PAK5: variants seen among roughly 807,000 people sequenced by gnomAD.
The protein encoded by PAK5 is p21 (RAC1) activated kinase 5, also known as serine/threonine-protein kinase PAK 5.
A neutral mutation model predicts 65.9 loss-of-function variants in PAK5; 16 were observed. The observed-to-expected ratio is 0.24, with a 90% CI of 0.16 to 0.37. The LOEUF (loss-of-function observed/expected upper bound fraction) is 0.37. PAK5 is among the 10% of genes least tolerant of loss of function. The pLI is 1.00. For synonymous variants in PAK5, 371 were observed against 354.9 expected, an observed-to-expected ratio of 1.05 and a Z score of -0.51; for missense variants, 785 against 903.9, an observed-to-expected ratio of 0.87 and a Z score of 1.69.
intron 1 of PAK5, among the ~76,000 whole-genome samples, chr20:9,834,827 T>C (rs923088692): frequency 1.3e-5 from 2 of 152,148 alleles, no homozygotes; most frequent in African/African-American, 4.8e-5. Context: ...ATTTATTGTT[T>C]ACCATTAATT....
chr20:9,599,892 C>T (rs545697910), intron 3 of PAK5, among the ~76,000 whole-genome samples: 9 of 152,058 alleles, frequency 5.9e-5, no homozygotes, highest in East Asian at 1.9e-4. Flanking sequence ...TCGGTGCTTG[C>T]GCTTTTGGTG....
At chr20:9,678,740 G>T (rs191079340) in intron 2 of PAK5, among the ~76,000 whole-genome samples, 3 of 152,176 alleles carry the variant, frequency 2.0e-5, no homozygotes, top group Admixed American at 6.5e-5. Flanking sequence ...CAAGCAAAAG[G>T]GGGGAAAGCC....
chr20:9,686,779 C>T (rs1891940635), intron 2 of PAK5, among the ~76,000 whole-genome samples: 1 of 152,156 alleles, frequency 6.6e-6, no homozygotes, highest in Non-Finnish European at 1.5e-5. Flanking sequence ...TTATCTGTGT[C>T]CTGACTGATA....
chr20:9,566,258 A>G lies in PAK5; in HGVS notation c.1117T>C (p.Tyr373His), dbSNP rs2122999870. The G allele has an allele frequency of 6.2e-7, 1 of 1,613,842 alleles. No individual in the cohort carries two copies. The highest frequency in any genetic ancestry group is 1.6e-4 in the Middle Eastern group (1 of 6,062). The change falls in exon 5 of 10, where the codon TAC (tyrosine) becomes CAC (histidine). Residue 373 changes from tyrosine to histidine, a missense_variant. Tyr to His is a moderately conservative substitution (Grantham distance 83, BLOSUM62 2). Around this residue, in one of 4 missense-constraint regions of PAK5, gnomAD observed 422 missense variants for 413.3 expected, o/e 1.02. Coordinates refer to ENST00000353224, the MANE Select transcript of PAK5 (RefSeq NM_177990.4). Reference protein sequence around the residue: ...KSGYSSSSHQYPSGYHKATLY... With the variant: ...KSGYSSSSHQHPSGYHKATLY... Reference sequence around the variant, plus strand: ...GTGGCTTTGTGGTACCCAGACGGGTACTGGTGACTGCTTGAGGAATAGCCC... The same window carrying G: ...GTGGCTTTGTGGTACCCAGACGGGTGCTGGTGACTGCTTGAGGAATAGCCC...
At position 9,539,313 on chromosome 20, in the gene PAK5, G is replaced by C. The variant is rs544328730; in HGVS notation, c.*149C>G. ...TGTTTAAGACACAAGAAGATGCCCTGGTCTGTTGAACCCTGCCGGTCATCA... is the reference window on the plus strand; with the variant it reads ...TGTTTAAGACACAAGAAGATGCCCTCGTCTGTTGAACCCTGCCGGTCATCA... On this transcript the variant is annotated 3_prime_UTR_variant, in exon 10 of 10. Coordinates refer to ENST00000353224, the MANE Select transcript of PAK5 (RefSeq NM_177990.4). 1 of 698,954 alleles carries C rather than the reference G, an allele frequency of 1.4e-6. No individual in the cohort carries two copies. Among genetic ancestry groups the C allele is most frequent in the African/African-American group, 1.8e-5 (1 of 56,864 alleles). The allele number at this position is 698,954 out of a possible 1,614,324, so 43.3% of individuals were successfully genotyped here.
chr20:9,704,364 C>A (rs73071960), intron 2 of PAK5, among the ~76,000 whole-genome samples: 1 of 152,276 alleles, frequency 6.6e-6, no homozygotes, highest in Non-Finnish European at 1.5e-5. Context: ...ATCTACTTCA[C>A]AATCTGCATA....
At chr20:9,601,779 A>T (rs1233441050) in intron 3 of PAK5, among the ~76,000 whole-genome samples, 1 of 152,134 alleles carries the variant, frequency 6.6e-6, no homozygotes, top group African/African-American at 2.4e-5. Flanking sequence ...TGCCCTGAAA[A>T]AAACCTGACC....
At chr20:9,614,454 C>T (rs1423962297) in intron 3 of PAK5, among the ~76,000 whole-genome samples, 2 of 152,164 alleles carry the variant, frequency 1.3e-5, no homozygotes, top group Non-Finnish European at 2.9e-5. Context: ...GAAAATCAGA[C>T]ACCAAACCAC....
chr20:9,609,028 G>A (rs1023755769), intron 3 of PAK5, among the ~76,000 whole-genome samples: 4 of 152,146 alleles, frequency 2.6e-5, no homozygotes, highest in South Asian at 4.1e-4. Flanking sequence ...ACTTATTGTC[G>A]GGAACATATG....
chr20:9,682,095 T>C (rs6141000), intron 2 of PAK5, among the ~76,000 whole-genome samples: 44,221 of 152,096 alleles, frequency 0.29, 6,795 homozygotes, highest in African/African-American at 0.38. Flanking sequence ...CGGTGGCTCA[T>C]GCCTGTAATC....
chr20:9,550,075 C>T (rs994570567), intron 7 of PAK5, among the ~76,000 whole-genome samples: 6 of 152,204 alleles, frequency 3.9e-5, no homozygotes, highest in African/African-American at 1.2e-4. Flanking sequence ...AAAATGTACT[C>T]CATGGAGACA....
intron 6 of PAK5, among the ~76,000 whole-genome samples, chr20:9,558,366 C>T (rs1006741552): frequency 1.3e-5 from 2 of 152,078 alleles, no homozygotes; most frequent in African/African-American, 4.8e-5. Context: ...CCACCCGCCT[C>T]AGCCTCCCAA....
At chr20:9,688,245 A>G (rs571162450) in intron 2 of PAK5, among the ~76,000 whole-genome samples, 6 of 152,202 alleles carry the variant, frequency 3.9e-5, no homozygotes, top group African/African-American at 1.2e-4. Context: ...TGAGAGTCCC[A>G]TGAGAAGCCA....
At chr20:9,676,821 G>A (rs961929106) in intron 2 of PAK5, among the ~76,000 whole-genome samples, 1 of 152,060 alleles carries the variant, frequency 6.6e-6, no homozygotes, top group African/African-American at 2.4e-5. Context: ...ACTCTCAATT[G>A]TGTTCACAGT....
chr20:9,596,812 G>T (rs1470176105), intron 3 of PAK5, among the ~76,000 whole-genome samples: 1 of 152,088 alleles, frequency 6.6e-6, no homozygotes, highest in African/African-American at 2.4e-5. Context: ...AGTATTTGAG[G>T]TTGAAAACCC....
intron 1 of PAK5, among the ~76,000 whole-genome samples, chr20:9,764,751 T>C (rs1241705533): frequency 6.6e-6 from 1 of 152,204 alleles, no homozygotes; most frequent in African/African-American, 2.4e-5. Context: ...GCATTACTGG[T>C]GGATAACTTC....
chr20:9,702,639 T>C (rs527443835), intron 2 of PAK5, among the ~76,000 whole-genome samples: 46 of 152,200 alleles, frequency 3.0e-4, no homozygotes, highest in Non-Finnish European at 5.1e-4. Flanking sequence ...CCATGGTTTA[T>C]AACCCTTCAG....
In PAK5 at chr20:9,838,510, T is replaced by C. The variant is rs747868553; in HGVS notation, c.-162+252A>G. Among the ~76,000 whole-genome samples the C allele has an allele frequency of 1.3e-5, 2 of 152,062 alleles. No homozygotes were observed. Among genetic ancestry groups the C allele is most frequent in the African/African-American group, 2.4e-5 (1 of 41,422 alleles). On this transcript the variant is annotated intron_variant, in intron 1 of 9. Coordinates refer to ENST00000353224, the MANE Select transcript of PAK5 (RefSeq NM_177990.4). The surrounding 1 kb of genome is among the most constrained non-coding windows in gnomAD (Gnocchi z 4.5). ...CAAAATGGAACCATCCTTTATTTGG[T>C]TGGTAGAGAGCCCAGGCTGGATAGT...
intron 2 of PAK5, among the ~76,000 whole-genome samples, chr20:9,679,556 C>G (rs755249723): frequency 1.3e-5 from 2 of 152,102 alleles, no homozygotes; most frequent in Non-Finnish European, 2.9e-5. Context: ...TAGTAATTCT[C>G]ATATTGCTGA....
Sources: allele counts gnomAD v4.1 joint callset (sites outside exome capture counted in the v4.1 genomes callset), GRCh38; gene constraint gnomAD v4.1.1; regional missense constraint gnomAD v4.1.1; non-coding constraint Gnocchi (gnomAD v3.1); transcripts MANE v1.5; gene names NCBI Gene and HGNC (gene_info 2026-07-23, HGNC 2026-07-21).